Variants in MYO1B observed in about 807,000 individuals in gnomAD.
MYO1B encodes myosin IB.
A neutral mutation model predicts 159.7 loss-of-function variants in MYO1B; 72 were observed. The ratio of observed to expected loss-of-function variants is 0.45; its 90% CI spans 0.37 to 0.55. MYO1B has a LOEUF of 0.55. MYO1B is among the 20% of genes least tolerant of loss of function. MYO1B has a pLI of 0.00. For synonymous variants in MYO1B, 468 were observed against 473.8 expected (o/e 0.99, Z 0.16); for missense variants, 1,062 against 1,364.8 (o/e 0.78, Z 3.50).
chr2:191,414,026 T>A (rs756591884), intron 27 of MYO1B, 22 bp from the exon 28 acceptor site: 8 of 1,583,840 alleles, frequency 5.1e-6, no homozygotes, highest in Non-Finnish European at 6.9e-6. Context: ...ATTTCTAATG[T>A]GCAGGAATTT....
At chr2:191,374,440 T>G (rs1694570173) in intron 13 of MYO1B, among the ~76,000 whole-genome samples, 1 of 152,210 alleles carries the variant, frequency 6.6e-6, no homozygotes, top group Non-Finnish European at 1.5e-5. Flanking sequence ...GGCGAGACTT[T>G]TTTAAAAAAA....
chr2:191,403,870 G>A (rs1696755189), intron 24 of MYO1B, among the ~76,000 whole-genome samples: 1 of 151,972 alleles, frequency 6.6e-6, no homozygotes, highest in South Asian at 2.1e-4. Flanking sequence ...CACATCTTTA[G>A]TTTTCTGGGT....
chr2:191,407,632 ATGG>A (rs1354220039), intron 24 of MYO1B: 3 of 152,234 alleles, frequency 2.0e-5, no homozygotes, highest in African/African-American at 7.2e-5. Flanking sequence ...ATGGAAGATA[ATGG>A]TAGTTTCAAA....
At chr2:191,361,112 T>C (rs1693644705) in intron 8 of MYO1B, among the ~76,000 whole-genome samples, 1 of 152,168 alleles carries the variant, frequency 6.6e-6, no homozygotes, top group African/African-American at 2.4e-5. Context: ...ACGTCTCCGA[T>C]GTGTTGAGGA....
chr2:191,312,207 C>T (rs184074141), intron 3 of MYO1B, among the ~76,000 whole-genome samples: 7 of 152,264 alleles, frequency 4.6e-5, no homozygotes, highest in East Asian at 3.9e-4. Context: ...AAATTGAGTT[C>T]GATAAATTTG....
intron 27 of MYO1B, 149 bp from the exon 28 acceptor site, chr2:191,413,899 G>T: frequency 1.4e-6 from 1 of 734,280 alleles, no homozygotes; most frequent in Non-Finnish European, 2.1e-6. Context: ...TTATATTTAG[G>T]ACAGATGTAA....
chr2:191,313,192 CTTTTTTTTTTTTTTTTTTT>C (rs762175060), intron 3 of MYO1B, among the ~76,000 whole-genome samples: 6 of 42,992 alleles, frequency 1.4e-4, no homozygotes, highest in African/African-American at 3.3e-4. Context: ...GCACACATGG[CTTTTTTTTTTTTTTTTTTT>C]TTTTTTTTTT....
Position 191,387,348 on chromosome 2 carries a change from C to T in MYO1B, c.1679C>T (p.Ala560Val). 6.2e-7 allele frequency: 1 copy of T among 1,614,126 alleles called. No individual in the cohort carries two copies. Among genetic ancestry groups the T allele is most frequent in the Non-Finnish European group, 8.5e-7 (1 of 1,180,034 alleles). Residue 560 changes from alanine to valine, a missense_variant, in exon 17 of 31, where the codon GCC becomes GTC. By Grantham distance (64) the Ala-to-Val change is moderately conservative. Transcript: ENST00000392318. ...IKSLFPEGNPAKINLKRPPTA... is the reference protein window; with the variant it reads ...IKSLFPEGNPVKINLKRPPTA... ...TCTTTGTTCCCCGAAGGGAATCCCG[C>T]CAAGATCAACCTGAAAAGGCCTCCT...
intron 1 of MYO1B, among the ~76,000 whole-genome samples, chr2:191,260,253 G>GGTTTTTTTTTTTTTTT (rs1256549425): frequency 4.4e-5 from 1 of 22,616 alleles, no homozygotes; most frequent in African/African-American, 5.0e-5. Flanking sequence ...TCCCAGATAG[G>GGTTTTTTTTTTTTTTT]CTTTTTTTTT....
At chr2:191,265,452 T>C (rs778322575) in intron 1 of MYO1B, among the ~76,000 whole-genome samples, 1 of 152,186 alleles carries the variant, frequency 6.6e-6, no homozygotes, top group South Asian at 2.1e-4. Context: ...TTGAGGATCT[T>C]AGCACATGGA....
At chr2:191,388,153 A>T (rs1019199688) in intron 17 of MYO1B, 1 of 152,282 alleles carries the variant, frequency 6.6e-6, no homozygotes, top group African/African-American at 2.4e-5. Context: ...GCGTGGTGGC[A>T]GGAACCTATA....
At chr2:191,273,900 T>C (rs1687602905) in intron 1 of MYO1B, among the ~76,000 whole-genome samples, 1 of 152,198 alleles carries the variant, frequency 6.6e-6, no homozygotes. Context: ...ACATAGCTCC[T>C]TCAGAGAAAA....
intron 7 of MYO1B, 87 bp downstream of exon 7, chr2:191,350,312 T>A: frequency 1.1e-6 from 1 of 944,772 alleles, no homozygotes; most frequent in Non-Finnish European, 1.6e-6. Context: ...CTTGTGTCTT[T>A]GAGGCATAAG....
intron 3 of MYO1B, among the ~76,000 whole-genome samples, chr2:191,314,649 A>G (rs1690230138): frequency 6.6e-6 from 1 of 152,240 alleles, no homozygotes; most frequent in Non-Finnish European, 1.5e-5. Context: ...ATGAATACAT[A>G]AAAGTCAGTT....
At chr2:191,263,408 A>C in intron 1 of MYO1B, 1 of 828,596 alleles carries the variant, frequency 1.2e-6, no homozygotes, top group Non-Finnish European at 1.5e-6. Context: ...TTTAATTTCT[A>C]AACCAGAGGG....
intron 2 of MYO1B, among the ~76,000 whole-genome samples, chr2:191,288,310 C>T (rs190028585): frequency 9.2e-5 from 14 of 151,600 alleles, no homozygotes; most frequent in Admixed American, 6.6e-4. Context: ...TGAAACCTAA[C>T]GTCTTATGTC....
intron 2 of MYO1B, among the ~76,000 whole-genome samples, chr2:191,294,007 A>G (rs1456556130): frequency 1.3e-5 from 2 of 152,192 alleles, no homozygotes; most frequent in East Asian, 3.8e-4. Context: ...TTAGTGATGA[A>G]CATACCCCAT....
At chr2:191,390,551 T>G in intron 18 of MYO1B, 59 bp downstream of exon 18, 3 of 1,526,818 alleles carry the variant, frequency 2.0e-6, no homozygotes, top group African/African-American at 1.4e-5. Flanking sequence ...AATAATACGG[T>G]GTTTTTTCAC....
chr2:191,301,802 C>G (rs1689350611), intron 3 of MYO1B, among the ~76,000 whole-genome samples: 1 of 152,200 alleles, frequency 6.6e-6, no homozygotes, highest in African/African-American at 2.4e-5. Context: ...GTTACCAAAT[C>G]CACTGGCCTT....
Sources: gnomAD v4.1 joint callset for allele counts (sites outside exome capture counted in the v4.1 genomes callset) on GRCh38, gnomAD v4.1.1 for gene constraint, MANE v1.5 for transcripts, NCBI Gene and HGNC (gene_info 2026-07-23, HGNC 2026-07-21) for gene names.